Variants in FAM53B observed in about 807,000 individuals in gnomAD.
The protein encoded by FAM53B is protein FAM53B.
FAM53B carries 12 observed loss-of-function variants against 32.7 expected under a neutral mutation model. That is an observed-to-expected ratio of 0.37 (90% CI 0.24 to 0.59). The LOEUF is 0.59. Ranked by LOEUF, FAM53B falls within the 20% of genes least tolerant of loss-of-function variation. The pLI is 0.72. For synonymous variants in FAM53B, 234 were observed against 228.7 expected, an observed-to-expected ratio of 1.02 and a Z score of -0.21; for missense variants, 477 against 577.7, an observed-to-expected ratio of 0.83 and a Z score of 1.79.
chr10:124,725,081 T>C (rs1055384075), intron 1 of FAM53B, among the ~76,000 whole-genome samples: 1 of 152,124 alleles, frequency 6.6e-6, no homozygotes, highest in Non-Finnish European at 1.5e-5. Context: ...AAAACAAAAC[T>C]GTGAGGAAAA....
chr10:124,677,399 C>T (rs1258518622), intron 4 of FAM53B, among the ~76,000 whole-genome samples: 3 of 152,242 alleles, frequency 2.0e-5, no homozygotes, highest in Non-Finnish European at 4.4e-5. Flanking sequence ...CCAAAAACAC[C>T]ACGTAAGGAG....
chr10:124,699,095 C>T (rs1372140402), intron 2 of FAM53B, among the ~76,000 whole-genome samples: 2 of 152,236 alleles, frequency 1.3e-5, no homozygotes, highest in Admixed American at 6.5e-5. Flanking sequence ...TAAAGCGGTG[C>T]CTCCCACCTG....
At chr10:124,695,330 G>A (rs958404724) in intron 3 of FAM53B, among the ~76,000 whole-genome samples, 2 of 152,148 alleles carry the variant, frequency 1.3e-5, no homozygotes, top group African/African-American at 4.8e-5. Flanking sequence ...CCAATCATCT[G>A]AAGCATCAAG....
intron 4 of FAM53B, among the ~76,000 whole-genome samples, chr10:124,638,374 A>AAAAACAAAACAAAAC: frequency 6.6e-6 from 1 of 151,524 alleles, no homozygotes; most frequent in East Asian, 2.0e-4. Flanking sequence ...ACTCCACCTC[A>AAAAACAAAACAAAAC]AAAACAAAAC....
In FAM53B at chr10:124,658,966, C is replaced by G. The variant is rs374938468; in HGVS notation, c.906+22641G>C. ...TACCTGCCTAGAACCGGCACCATGG[C>G]CCTAGGTGAGTTATTTAATTAGGTC... On this transcript the variant is annotated intron_variant, in intron 4 of 4. Coordinates refer to ENST00000337318, the MANE Select transcript of FAM53B (RefSeq NM_014661.4). Among the ~76,000 whole-genome samples, 58 of 152,322 alleles carry G rather than the reference C, an allele frequency of 3.8e-4. No individual in the cohort carries two copies. In the South Asian group the frequency reaches 0.012, roughly 31 times the overall value.
chr10:124,676,754 C>T (rs527958934), intron 4 of FAM53B, among the ~76,000 whole-genome samples: 2 of 152,196 alleles, frequency 1.3e-5, no homozygotes, highest in African/African-American at 4.8e-5. Context: ...ACCCAGCTCT[C>T]CTGGACTCAC....
chr10:124,666,430 T>C (rs1487790290), intron 4 of FAM53B, among the ~76,000 whole-genome samples: 3 of 152,224 alleles, frequency 2.0e-5, no homozygotes, highest in Non-Finnish European at 4.4e-5. Flanking sequence ...GAGCTCCCTG[T>C]GGATGGGGCT....
chr10:124,653,584 G>T (rs1185713943), intron 4 of FAM53B, among the ~76,000 whole-genome samples: 1 of 152,246 alleles, frequency 6.6e-6, no homozygotes, highest in Non-Finnish European at 1.5e-5. Flanking sequence ...GCCCAGCTGG[G>T]TCTCGCTGGC....
chr10:124,667,617 C>T (rs1949681251), intron 4 of FAM53B, among the ~76,000 whole-genome samples: 1 of 152,158 alleles, frequency 6.6e-6, no homozygotes, highest in African/African-American at 2.4e-5. Context: ...GCCTGGGGTG[C>T]GAGGCACCTG....
intron 2 of FAM53B, among the ~76,000 whole-genome samples, chr10:124,701,922 A>G (rs1314088231): frequency 2.0e-5 from 3 of 152,218 alleles, no homozygotes; most frequent in African/African-American, 7.2e-5. Flanking sequence ...TTTTTAAAAC[A>G]GGGGAACCAG....
chr10:124,675,187 C>T (rs918062534), intron 4 of FAM53B, among the ~76,000 whole-genome samples: 5 of 152,184 alleles, frequency 3.3e-5, no homozygotes, highest in Middle Eastern at 3.4e-3. Context: ...GGGATCCAGG[C>T]GGAGGCTGCA....
chr10:124,651,024 G>GC lies in FAM53B; in HGVS notation c.907-27421dup, dbSNP rs1949552462. ...GAATTAGCCACGCCAGACACTGGGA[G>GC]CCCCCCAATCTCCCTTCAGAGGCCA... is the stretch of plus-strand genomic sequence containing the variant. On this transcript the variant is annotated intron_variant, in intron 4 of 4. Coordinates refer to ENST00000337318, the MANE Select transcript of FAM53B (RefSeq NM_014661.4). The surrounding 1 kb of genome is among the most constrained non-coding windows in gnomAD (Gnocchi z 5.2). Among the ~76,000 whole-genome samples the GC allele has an allele frequency of 6.6e-6, 1 of 151,800 alleles. No individual in the cohort carries two copies. Among genetic ancestry groups the GC allele is most frequent in the Non-Finnish European group, 1.5e-5 (1 of 67,974 alleles).
In FAM53B at chr10:124,743,263, G is replaced by C. The variant is rs542879188; in HGVS notation, c.-175+750C>G. Among the ~76,000 whole-genome samples the C allele has an allele frequency of 3.3e-5, 5 of 152,298 alleles. No individual in the cohort carries two copies. In the East Asian group the frequency reaches 5.8e-4, roughly 18 times the overall value. ...CTCTGCCCCAAGAGAAACCCTGAGC[G>C]GGGAACCTGACTCCCACGGGCTTGC... On this transcript the variant is annotated intron_variant, in intron 1 of 4. Transcript: ENST00000337318.
chr10:124,623,925 C>G (rs1564859731), intron 4 of FAM53B: 1 of 303,310 alleles, frequency 3.3e-6, no homozygotes, highest in African/African-American at 2.2e-5. Flanking sequence ...CGTCCACAGC[C>G]TTTCTGAAGC....
intron 1 of FAM53B, among the ~76,000 whole-genome samples, chr10:124,712,042 G>C (rs1476566025): frequency 6.6e-6 from 1 of 152,056 alleles, no homozygotes; most frequent in African/African-American, 2.4e-5. Context: ...CCTGGTGATA[G>C]AGGGAGACCT....
At chr10:124,743,971 C>T (rs1459055128) in intron 1 of FAM53B, 42 bp downstream of exon 1, 1 of 149,490 alleles carries the variant, frequency 6.7e-6, no homozygotes, top group Non-Finnish European at 1.5e-5. Flanking sequence ...CGGGGCCAGC[C>T]CCCCGGCCAC....
intron 1 of FAM53B, among the ~76,000 whole-genome samples, chr10:124,741,831 C>G (rs968867163): frequency 6.6e-6 from 1 of 152,192 alleles, no homozygotes; most frequent in Non-Finnish European, 1.5e-5. Context: ...GTGCAACATA[C>G]CCCACGTTGA....
intron 4 of FAM53B, among the ~76,000 whole-genome samples, chr10:124,660,185 T>C (rs1949620615): frequency 6.6e-6 from 1 of 152,194 alleles, no homozygotes; most frequent in Non-Finnish European, 1.5e-5. Context: ...TGGGTTTCGT[T>C]CCACCATATG....
intron 4 of FAM53B, among the ~76,000 whole-genome samples, chr10:124,673,179 A>G (rs922920492): frequency 3.3e-5 from 5 of 151,992 alleles, no homozygotes; most frequent in African/African-American, 1.2e-4. Flanking sequence ...ATGTTTGCCA[A>G]TAGCCTCCTG....
Sources: allele counts gnomAD v4.1 joint callset (sites outside exome capture counted in the v4.1 genomes callset), GRCh38; gene constraint gnomAD v4.1.1; non-coding constraint Gnocchi (gnomAD v3.1); transcripts MANE v1.5; gene names NCBI Gene and HGNC (gene_info 2026-07-23, HGNC 2026-07-21).